TMEM156: variants seen among roughly 807,000 people sequenced by gnomAD.
TMEM156 encodes the protein transmembrane protein 156.
A neutral mutation model predicts 30.5 loss-of-function variants in TMEM156; 28 were observed. The observed-to-expected ratio is 0.92, with a 90% confidence interval of 0.68 to 1.26. The LOEUF (loss-of-function observed/expected upper bound fraction) is 1.26. Ranked by LOEUF, TMEM156 falls within the 50% of genes most tolerant of loss-of-function variation. TMEM156 has a pLI of 0.00. For synonymous variants in TMEM156, 137 were observed against 119.9 expected, an observed-to-expected ratio of 1.14 and a Z score of -0.93; for missense variants, 351 against 340.6, an observed-to-expected ratio of 1.03 and a Z score of -0.24.
chr4:39,025,656 G>A (rs181697534), intron 1 of TMEM156, among the ~76,000 whole-genome samples: 121 of 152,262 alleles, frequency 7.9e-4, no homozygotes, highest in Admixed American at 3.6e-3. Context: ...TTGAAAGGCA[G>A]GTTTGAGACA....
At chr4:39,001,064 C>A (rs1374809335) in intron 1 of TMEM156, among the ~76,000 whole-genome samples, 1 of 151,762 alleles carries the variant, frequency 6.6e-6, no homozygotes, top group South Asian at 2.1e-4. Flanking sequence ...GAATAGGCAA[C>A]CTATCTTTCA....
intron 6 of TMEM156, among the ~76,000 whole-genome samples, chr4:38,970,824 A>G (rs1035197053): frequency 6.6e-6 from 1 of 152,230 alleles, no homozygotes; most frequent in African/African-American, 2.4e-5. Context: ...TTAGTTTAAC[A>G]GACTAAGAGA....
chr4:39,015,529 T>C (rs537612079), intron 1 of TMEM156, among the ~76,000 whole-genome samples: 13 of 152,358 alleles, frequency 8.5e-5, no homozygotes, highest in Admixed American at 6.5e-4. Flanking sequence ...GATTCTAGTC[T>C]AGAGCCTCCA....
At chr4:39,016,841 C>T (rs866537106) in intron 1 of TMEM156, among the ~76,000 whole-genome samples, 1 of 152,008 alleles carries the variant, frequency 6.6e-6, no homozygotes. Context: ...AAGACATACC[C>T]GAGACTGGGT....
At chr4:38,984,925 A>T (rs533879376) in intron 5 of TMEM156, among the ~76,000 whole-genome samples, 66 of 152,220 alleles carry the variant, frequency 4.3e-4, no homozygotes, top group African/African-American at 1.5e-3. Flanking sequence ...GCTCATAAAT[A>T]CAACTTTGCG....
At chr4:39,028,016 C>CA (rs112371315) in intron 1 of TMEM156, among the ~76,000 whole-genome samples, 10,962 of 152,138 alleles carry the variant, frequency 0.072, 631 homozygotes, top group South Asian at 0.25. Context: ...CTTGGCCTCC[C>CA]AAAGTACTGG....
chr4:39,001,808 G>C (rs1013909091), intron 1 of TMEM156, among the ~76,000 whole-genome samples: 4 of 149,086 alleles, frequency 2.7e-5, no homozygotes, highest in African/African-American at 9.8e-5. Flanking sequence ...AATAAATGGT[G>C]CTGGGAAAAC....
chr4:39,022,689 T>C lies in TMEM156; in HGVS notation c.88+9537A>G, dbSNP rs375112437. 2.6e-5 allele frequency among the ~76,000 whole-genome samples: 4 copies of C among 152,226 alleles called. No individual in the cohort carries two copies. The East Asian group carries it at 5.8e-4, about 22-fold the overall frequency. On this transcript the variant is annotated intron_variant, in intron 1 of 6. Transcript: ENST00000381938. ...AATAAGTGAAAACTTATTTGTAGAA[T>C]ATCTTTCCATAAAATTTTAATGTAA...
At chr4:39,005,184 TAGG>T (rs1713643348) in intron 1 of TMEM156, among the ~76,000 whole-genome samples, 1 of 152,200 alleles carries the variant, frequency 6.6e-6, no homozygotes, top group African/African-American at 2.4e-5. Context: ...GCATTGGCAG[TAGG>T]AGAAGGGCTC....
rs71304784 is a variant in TMEM156 at position 38,990,830 on chromosome 4, GT to G, written c.620-1861del. Among the ~76,000 whole-genome samples, 664 of 81,200 alleles carry G rather than the reference GT, an allele frequency of 8.2e-3. 3 individuals carry two copies. Among genetic ancestry groups the G allele is most frequent in the Middle Eastern group, 0.029 (4 of 138 alleles). 53.3% of individuals were successfully genotyped at this position (81,200 alleles called of 152,430 possible). On this transcript the variant is annotated intron_variant, in intron 3 of 6. Transcript: ENST00000381938. ...CTTTGTTTTTTTGGTTTGTTTTCTG[GT>G]TTTTTTTTTTTTTTTTTTTTTTGAG...
intron 2 of TMEM156, among the ~76,000 whole-genome samples, chr4:38,994,360 A>G (rs146379226): frequency 1.8e-4 from 28 of 152,262 alleles, no homozygotes; most frequent in Admixed American, 8.5e-4. Flanking sequence ...TTTTGGACTC[A>G]AGGGATCCTC....
At chr4:39,002,421 T>A (rs1231623524) in intron 1 of TMEM156, among the ~76,000 whole-genome samples, 1 of 136,380 alleles carries the variant, frequency 7.3e-6, no homozygotes, top group Non-Finnish European at 1.6e-5. Flanking sequence ...TAGGAACACT[T>A]TTACACTGTT....
At position 39,015,789 on chromosome 4, in the gene TMEM156, G is replaced by A. The variant is rs890253006; in HGVS notation, c.88+16437C>T. Among the ~76,000 whole-genome samples, 16 of 152,132 alleles carry A rather than the reference G, an allele frequency of 1.1e-4. No individual in the cohort carries two copies. The East Asian group carries it at 1.5e-3, about 15-fold the overall frequency. ...ACCCAGTGGGAGATAATTGAATCAC[G>A]GGGGCTGTTTCTCCCATACTGTTCT... On this transcript the variant is annotated intron_variant, in intron 1 of 6. Coordinates refer to ENST00000381938, the MANE Select transcript of TMEM156 (RefSeq NM_024943.3).
At chr4:38,975,060 T>A (rs1362739228) in intron 5 of TMEM156, among the ~76,000 whole-genome samples, 5 of 152,152 alleles carry the variant, frequency 3.3e-5, no homozygotes, top group Admixed American at 3.3e-4. Flanking sequence ...GGCCCTTAGA[T>A]GTCTACGGAA....
Position 38,998,687 on chromosome 4 carries a change from T to C in TMEM156, c.311A>G (p.Glu104Gly), listed in dbSNP as rs1363379012. 1.9e-6 allele frequency: 3 copies of C among 1,613,280 alleles called. No individual in the cohort carries two copies. Among genetic ancestry groups the C allele is most frequent in the Non-Finnish European group, 2.5e-6 (3 of 1,179,594 alleles). Residue 104 changes from glutamate to glycine, a missense_variant, in exon 2 of 7, where the codon GAG becomes GGG. Physicochemically the swap from Glu to Gly is moderately conservative, Grantham distance 98 (BLOSUM62 -2). Coordinates refer to ENST00000381938, the MANE Select transcript of TMEM156 (RefSeq NM_024943.3). ...AATAAAATCCATGTTTCCTTTAGAC[T>C]CACAAACCAAACACGAGGAGCACAT... ...FKMCSSCLVC[E>G]SKGNMDFISQ...
intron 1 of TMEM156, among the ~76,000 whole-genome samples, chr4:39,010,670 G>A (rs1403561298): frequency 6.6e-6 from 1 of 152,118 alleles, no homozygotes; most frequent in Non-Finnish European, 1.5e-5. Flanking sequence ...ACTGGGGAAA[G>A]GATACTCTAT....
chr4:38,997,480 C>A (rs1166311690), intron 2 of TMEM156, among the ~76,000 whole-genome samples: 1 of 152,046 alleles, frequency 6.6e-6, no homozygotes, highest in African/African-American at 2.4e-5. Context: ...TACATGAAAA[C>A]AACAGAAAAA....
chr4:38,996,318 G>A (rs142981473), intron 2 of TMEM156, among the ~76,000 whole-genome samples: 6 of 151,044 alleles, frequency 4.0e-5, no homozygotes, highest in African/African-American at 7.3e-5. Context: ...CAATACTTCC[G>A]GAGGCCGAGG....
chr4:38,975,384 C>CTTTTT (rs10711049), intron 5 of TMEM156, among the ~76,000 whole-genome samples: 1 of 97,592 alleles, frequency 1.0e-5, no homozygotes. Context: ...TTTTTCTTTT[C>CTTTTT]TTTTTTTTTT....
Sources: allele counts gnomAD v4.1 joint callset (sites outside exome capture counted in the v4.1 genomes callset), GRCh38; gene constraint gnomAD v4.1.1; transcripts MANE v1.5; gene names NCBI Gene and HGNC (gene_info 2026-07-23, HGNC 2026-07-21).